Variants in BCOR observed in about 807,000 individuals in gnomAD.
The protein encoded by BCOR is BCL6 corepressor.
In BCOR, 10 loss-of-function variants were observed where a neutral mutation model predicts 86.7. The ratio of observed to expected loss-of-function variants is 0.12; its 90% CI spans 0.07 to 0.20. The LOEUF (loss-of-function observed/expected upper bound fraction) is 0.20, where lower values mean the gene tolerates loss of function less well. BCOR is among the 10% of genes least tolerant of loss of function. BCOR has a pLI of 1.00. For missense variants in BCOR, 1,259 were observed against 1,452.1 expected (o/e 0.87, Z 2.16); for synonymous variants, 611 against 609.0 (o/e 1.00, Z -0.05).
At chrX:40,172,921 G>A (rs1272337520) in intron 1 of BCOR, among the ~76,000 whole-genome samples, 1 of 112,985 alleles carries the variant, frequency 8.9e-6, no homozygotes, top group Non-Finnish European at 1.9e-5. Flanking sequence ...CGGCGGACGT[G>A]ACCGCCGGAT....
At chrX:40,121,932 CTT>C (rs1937492797) in intron 1 of BCOR, among the ~76,000 whole-genome samples, 1 of 112,299 alleles carries the variant, frequency 8.9e-6, no homozygotes, top group Admixed American at 9.4e-5. Context: ...TCTCTGGTCT[CTT>C]TGTCATCGCA....
chrX:40,160,779 T>C (rs1367563823), intron 1 of BCOR, among the ~76,000 whole-genome samples: 1 of 102,108 alleles, frequency 9.8e-6, no homozygotes, highest in African/African-American at 3.6e-5. Context: ...TTCTCCTGCC[T>C]CAGCCTCCTC....
chrX:40,166,161 G>C (rs1462312156), intron 1 of BCOR, among the ~76,000 whole-genome samples: 3 of 111,843 alleles, frequency 2.7e-5, no homozygotes, highest in Non-Finnish European at 3.8e-5. Flanking sequence ...CGTAGCTTGT[G>C]ATCTCCCATC....
At chrX:40,078,256 C>A (rs749411825) in intron 1 of BCOR, among the ~76,000 whole-genome samples, 21 of 112,560 alleles carry the variant, frequency 1.9e-4, no homozygotes, top group Non-Finnish European at 3.6e-4. Flanking sequence ...CACACCACAG[C>A]ACCCGCCCAC....
intron 1 of BCOR, among the ~76,000 whole-genome samples, chrX:40,133,861 C>CT (rs1214359261): frequency 1.8e-5 from 2 of 111,171 alleles, no homozygotes; most frequent in Non-Finnish European, 3.8e-5. Flanking sequence ...AGTAAGTACA[C>CT]TCATGTGTAT....
At chrX:40,126,522 CAAAA>C (rs111701164) in intron 1 of BCOR, among the ~76,000 whole-genome samples, 3 of 71,556 alleles carry the variant, frequency 4.2e-5, no homozygotes, top group Non-Finnish European at 6.2e-5. Context: ...AAAATTCCGT[CAAAA>C]AAAAAAAAAA....
Position 40,073,539 on chromosome X carries a change from C to A in BCOR, c.1807G>T (p.Ala603Ser). The change falls in exon 4 of 15, where the codon GCC becomes TCC. Residue 603 changes from alanine to serine, a missense_variant. Physicochemically the swap from Ala to Ser is moderately conservative, Grantham distance 99. Around this residue, in one of 7 missense-constraint regions of BCOR, gnomAD observed 534 missense variants for 594.8 expected, o/e 0.90. Transcript: ENST00000378444. ...SVIQHVGQPPATPAKHSSSTS... is the reference protein window; with the variant it reads ...SVIQHVGQPPSTPAKHSSSTS... Reference sequence around the variant, plus strand: ...CTGCTACTGTGCTTGGCAGGAGTGGCCGGGGGCTGGCCCACGTGCTGAATA... The same window carrying A: ...CTGCTACTGTGCTTGGCAGGAGTGGACGGGGGCTGGCCCACGTGCTGAATA... The A allele has an allele frequency of 8.2e-7, 1 of 1,212,132 alleles. No individual in the cohort carries two copies. Among genetic ancestry groups the A allele is most frequent in the East Asian group, 3.0e-5 (1 of 33,866 alleles).
chrX:40,063,542 C>G, intron 8 of BCOR, 66 bp downstream of exon 8: 1 of 948,854 alleles, frequency 1.1e-6, no homozygotes, highest in Non-Finnish European at 1.5e-6. Flanking sequence ...AAGCCCTTTC[C>G]TACAGAGAGT....
intron 1 of BCOR, among the ~76,000 whole-genome samples, chrX:40,170,496 C>G (rs1238095087): frequency 9.1e-6 from 1 of 110,381 alleles, no homozygotes; most frequent in African/African-American, 3.3e-5. Flanking sequence ...TACAGGCGCC[C>G]GCCACCTTGC....
At chrX:40,086,665 T>C (rs1343769471) in intron 1 of BCOR, among the ~76,000 whole-genome samples, 1 of 113,971 alleles carries the variant, frequency 8.8e-6, no homozygotes, top group Non-Finnish European at 1.9e-5. Flanking sequence ...GCGCGCTTTG[T>C]GTAAGTGCTG....
intron 1 of BCOR, among the ~76,000 whole-genome samples, chrX:40,152,936 C>T (rs1314028062): frequency 8.9e-6 from 1 of 112,743 alleles, no homozygotes; most frequent in Non-Finnish European, 1.9e-5. Flanking sequence ...CCGCGGGAGG[C>T]CGATGGTCAA....
intron 1 of BCOR, among the ~76,000 whole-genome samples, chrX:40,092,439 T>G (rs948071505): frequency 4.7e-5 from 5 of 106,782 alleles, no homozygotes; most frequent in Admixed American, 9.9e-5. Context: ...ACACAGGCTG[T>G]CCCCGCCACG....
chrX:40,110,380 T>C (rs1280670566), intron 1 of BCOR, among the ~76,000 whole-genome samples: 1 of 111,706 alleles, frequency 9.0e-6, no homozygotes, highest in Non-Finnish European at 1.9e-5. Context: ...ACCATCAGCA[T>C]AGCCATCAGG....
upstream of BCOR, among the ~76,000 whole-genome samples, chrX:40,099,105 C>A (rs1016300297): frequency 8.8e-6 from 1 of 113,137 alleles, no homozygotes; most frequent in African/African-American, 3.2e-5. Context: ...TCGGTAACGT[C>A]GTGCTGATCG....
chrX:40,153,827 C>A (rs1370621250), intron 1 of BCOR, among the ~76,000 whole-genome samples: 1 of 111,978 alleles, frequency 8.9e-6, no homozygotes, highest in African/African-American at 3.2e-5. Context: ...CAGCCAGTGC[C>A]TCTGCTCTGC....
intron 4 of BCOR, 85 bp from the exon 5 acceptor site, chrX:40,071,775 T>C: frequency 1.5e-6 from 1 of 660,260 alleles, no homozygotes; most frequent in Non-Finnish European, 2.5e-6. Context: ...TTTCTTAACA[T>C]TGCAAAACAA....
In BCOR at chrX:40,062,795, C is replaced by T. The variant is rs375650828; in HGVS notation, c.4124G>A (p.Arg1375Gln). ...TKHLIPQESR[R>Q]GLPLTGEYYV... ...GTATTCCCCTGTCAGTGGCAATCCCCGCCTGGACTCCTGAGGGATCAAGTG... is the reference window on the plus strand; with the variant it reads ...GTATTCCCCTGTCAGTGGCAATCCCTGCCTGGACTCCTGAGGGATCAAGTG... Residue 1375 changes from arginine to glutamine, a missense_variant, in exon 9 of 15, where the codon CGG becomes CAG. Physicochemically the swap from Arg to Gln is conservative, Grantham distance 43. Around this residue, in one of 7 missense-constraint regions of BCOR, gnomAD observed 305 missense variants for 286.1 expected, o/e 1.07. Transcript: ENST00000378444. The T allele has an allele frequency of 6.6e-6, 8 of 1,209,747 alleles. No individual in the cohort carries two copies. Among genetic ancestry groups the T allele is most frequent in the African/African-American group, 5.3e-5 (3 of 57,080 alleles).
At chrX:40,093,559 C>T (rs1186980215) in intron 1 of BCOR, among the ~76,000 whole-genome samples, 3 of 112,307 alleles carry the variant, frequency 2.7e-5, no homozygotes, top group African/African-American at 6.5e-5. Flanking sequence ...TATATACACA[C>T]ACAAACGATG....
At chrX:40,093,609 C>A (rs940193535) in intron 1 of BCOR, among the ~76,000 whole-genome samples, 1 of 112,288 alleles carries the variant, frequency 8.9e-6, no homozygotes. Flanking sequence ...TCTTTGGAGG[C>A]TGTCTCCTTG....
Sources: allele counts gnomAD v4.1 joint callset (sites outside exome capture counted in the v4.1 genomes callset), GRCh38; gene constraint gnomAD v4.1.1; regional missense constraint gnomAD v4.1.1; transcripts MANE v1.5; gene names NCBI Gene and HGNC (gene_info 2026-07-23, HGNC 2026-07-21).